Variants in GLIS3 observed in about 807,000 individuals in gnomAD.
GLIS3 encodes GLIS family zinc finger 3, also known as zinc finger protein GLIS3.
Under a neutral mutation model 78.6 loss-of-function variants are expected in GLIS3, and 53 were observed. The ratio of observed to expected loss-of-function variants is 0.67; its 90% CI spans 0.54 to 0.85. The LOEUF is 0.85. GLIS3 is among the 40% of genes least tolerant of loss of function. GLIS3 has a pLI of 0.00. For synonymous variants in GLIS3, 684 were observed against 509.9 expected, an observed-to-expected ratio of 1.34 and a Z score of -4.60; for missense variants, 1,703 against 1,231.1, an observed-to-expected ratio of 1.38 and a Z score of -5.74.
intron 8 of GLIS3, among the ~76,000 whole-genome samples, chr9:3,858,612 A>T (rs1027690291): frequency 2.0e-5 from 3 of 152,196 alleles, no homozygotes; most frequent in Non-Finnish European, 1.5e-5. Context: ...ATTTCAAAAC[A>T]TAGTATGACA....
chr9:4,364,386 G>C, the GLIS3 span, among the ~76,000 whole-genome samples: 1 of 152,076 alleles, frequency 6.6e-6, no homozygotes, highest in Admixed American at 6.6e-5. Context: ...ACAATATTTG[G>C]CCATTTTTAA....
At chr9:4,452,663 T>A in the GLIS3 span, among the ~76,000 whole-genome samples, 26 of 151,996 alleles carry the variant, frequency 1.7e-4, no homozygotes, top group African/African-American at 6.3e-4. Flanking sequence ...CTCAAGGAAA[T>A]AAGAGAGGAC....
the GLIS3 span, among the ~76,000 whole-genome samples, chr9:4,407,275 C>T: frequency 6.6e-6 from 1 of 152,198 alleles, no homozygotes; most frequent in Non-Finnish European, 1.5e-5. Context: ...TATCTCTCAC[C>T]ATATACAAAA....
the GLIS3 span, among the ~76,000 whole-genome samples, chr9:4,354,364 A>G: frequency 6.6e-6 from 1 of 152,124 alleles, no homozygotes; most frequent in Admixed American, 6.5e-5. Context: ...ATGAGGGTAT[A>G]AGCACCCTGT....
rs373239144 is a variant in GLIS3, at chr9:4,325,576, C to G, written n.265-15048G>C. On this transcript the variant is annotated intron_variant and non_coding_transcript_variant, in intron 2 of 4. Coordinates refer to the GLIS3 transcript ENST00000471664. ...TTCCTGCAAAATATCCACATTTCTA[C>G]TAATAACCTCCAGGATGCCTTTTCT... Among the ~76,000 whole-genome samples the G allele has an allele frequency of 2.3e-4, 35 of 152,272 alleles. No individual in the cohort carries two copies. In the East Asian group the frequency reaches 3.1e-3, roughly 13 times the overall value.
At chr9:3,853,501 T>A (rs1387389377) in intron 9 of GLIS3, among the ~76,000 whole-genome samples, 1 of 152,148 alleles carries the variant, frequency 6.6e-6, no homozygotes, top group Non-Finnish European at 1.5e-5. Context: ...GAGTCTAATT[T>A]TTTAAAAAAG....
At chr9:3,939,081 T>C (rs1267289019) in intron 4 of GLIS3, among the ~76,000 whole-genome samples, 3 of 152,172 alleles carry the variant, frequency 2.0e-5, no homozygotes, top group African/African-American at 7.2e-5. Context: ...GCCTGGTTCT[T>C]AGCAAGGCTC....
chr9:4,235,520 G>C (rs1444434808), intron 2 of GLIS3, among the ~76,000 whole-genome samples: 1 of 152,130 alleles, frequency 6.6e-6, no homozygotes, highest in East Asian at 1.9e-4. Context: ...AGTCCTTTTG[G>C]TAAGTGCCAA....
At chr9:4,273,471 T>G (rs1826703177) in intron 2 of GLIS3, among the ~76,000 whole-genome samples, 1 of 152,100 alleles carries the variant, frequency 6.6e-6, no homozygotes, top group Non-Finnish European at 1.5e-5. Flanking sequence ...CTAATGCCTG[T>G]GGTCCCCACT....
intron 2 of GLIS3, among the ~76,000 whole-genome samples, chr9:4,136,806 GA>G (rs1586775303): frequency 6.6e-6 from 1 of 152,178 alleles, no homozygotes; most frequent in East Asian, 1.9e-4. Context: ...CAGCCCTGAA[GA>G]ACTGATTTAA....
At chr9:4,331,168 CT>C (rs1817679455) in intron 2 of GLIS3, among the ~76,000 whole-genome samples, 1 of 152,152 alleles carries the variant, frequency 6.6e-6, no homozygotes, top group Non-Finnish European at 1.5e-5. Flanking sequence ...CACACTCCCC[CT>C]GAAAGCTCTA....
chr9:4,321,661 T>C (rs1441915484), intron 2 of GLIS3, among the ~76,000 whole-genome samples: 1 of 140,732 alleles, frequency 7.1e-6, no homozygotes, highest in Non-Finnish European at 1.5e-5. Context: ...TCTTCTCTGC[T>C]ATCCCTCCTC....
intron 9 of GLIS3, among the ~76,000 whole-genome samples, chr9:3,845,865 A>G (rs1217364138): frequency 2.6e-5 from 4 of 152,246 alleles, no homozygotes; most frequent in African/African-American, 9.6e-5. Context: ...CAGAATGGCT[A>G]AAAGCACAAC....
At chr9:4,346,043 A>G (rs985467692) in intron 2 of GLIS3, among the ~76,000 whole-genome samples, 3 of 152,220 alleles carry the variant, frequency 2.0e-5, no homozygotes, top group African/African-American at 7.2e-5. Flanking sequence ...AAAAATAAAT[A>G]CAGACACAGA....
At chr9:4,110,386 A>C (rs1444101940) in intron 4 of GLIS3, among the ~76,000 whole-genome samples, 2 of 152,156 alleles carry the variant, frequency 1.3e-5, no homozygotes, top group African/African-American at 4.8e-5. Flanking sequence ...TCATGTTCCA[A>C]TTTCTCAACA....
At chr9:4,162,154 G>A (rs985582523) in intron 2 of GLIS3, among the ~76,000 whole-genome samples, 5 of 152,050 alleles carry the variant, frequency 3.3e-5, no homozygotes, top group African/African-American at 1.2e-4. Context: ...GTCGTCATGT[G>A]GTGCTCTCCC....
At chr9:3,998,646 G>T (rs1281467259) in intron 4 of GLIS3, among the ~76,000 whole-genome samples, 1 of 151,246 alleles carries the variant, frequency 6.6e-6, no homozygotes, top group East Asian at 1.9e-4. Flanking sequence ...TTAATTAATT[G>T]CTCTGTGGCT....
chr9:4,137,648 GC>G (rs1646784634), intron 2 of GLIS3, among the ~76,000 whole-genome samples: 1 of 152,104 alleles, frequency 6.6e-6, no homozygotes. Context: ...GATAAATTAA[GC>G]AATATTCCTG....
At chr9:4,258,334 C>G (rs913348032) in intron 2 of GLIS3, among the ~76,000 whole-genome samples, 6 of 152,008 alleles carry the variant, frequency 3.9e-5, no homozygotes, top group Non-Finnish European at 8.8e-5. Context: ...CATATATATA[C>G]CAATGCTGGT....
Sources: allele counts gnomAD v4.1 joint callset (sites outside exome capture counted in the v4.1 genomes callset), GRCh38; gene constraint gnomAD v4.1.1; transcripts MANE v1.5; gene names NCBI Gene and HGNC (gene_info 2026-07-23, HGNC 2026-07-21).